Variants in FARP1 observed in about 807,000 individuals in gnomAD.
The protein encoded by FARP1 is FERM, ARH/RhoGEF and pleckstrin domain protein 1, also known as FERM, ARHGEF and pleckstrin domain-containing protein 1.
In FARP1, 52 loss-of-function variants were observed where a neutral mutation model predicts 128.8. The observed-to-expected ratio is 0.40, with a 90% CI of 0.32 to 0.51. FARP1 has a LOEUF of 0.51. Ranked by LOEUF, FARP1 falls within the 20% of genes least tolerant of loss-of-function variation. The probability of loss-of-function intolerance (pLI) is 0.45; values close to 1 mark genes in which losing one functional copy is unlikely to be tolerated. For synonymous variants in FARP1, 580 were observed against 551.8 expected, an observed-to-expected ratio of 1.05 and a Z score of -0.72; for missense variants, 1,333 against 1,367.9, an observed-to-expected ratio of 0.97 and a Z score of 0.40.
intron 1 of FARP1, among the ~76,000 whole-genome samples, chr13:98,169,846 T>C (rs1455648167): frequency 6.6e-6 from 1 of 152,096 alleles, no homozygotes; most frequent in South Asian, 2.1e-4. Context: ...CTGGAGACCA[T>C]TGTCCATCAG....
chr13:98,212,699 C>T (rs761531954), intron 1 of FARP1, among the ~76,000 whole-genome samples: 106 of 152,006 alleles, frequency 7.0e-4, no homozygotes, highest in Admixed American at 2.6e-3. Flanking sequence ...GAAAAATGAC[C>T]CTACTCTCTG....
chr13:98,286,837 G>A (rs912171422), intron 2 of FARP1, among the ~76,000 whole-genome samples: 9 of 152,150 alleles, frequency 5.9e-5, no homozygotes, highest in Non-Finnish European at 1.3e-4. Flanking sequence ...AGAACAATGA[G>A]GAAGAATAAT....
At chr13:98,207,052 C>A (rs1880316919) in intron 1 of FARP1, among the ~76,000 whole-genome samples, 1 of 152,208 alleles carries the variant, frequency 6.6e-6, no homozygotes, top group African/African-American at 2.4e-5. Flanking sequence ...CAAGCATCAA[C>A]TGTGGTTACC....
intron 1 of FARP1, among the ~76,000 whole-genome samples, chr13:98,200,633 G>A (rs1257837145): frequency 6.6e-6 from 1 of 152,120 alleles, no homozygotes; most frequent in African/African-American, 2.4e-5. Flanking sequence ...TAGCACTTAC[G>A]CAAGAAAAGT....
chr13:98,206,782 T>C (rs1880297825), intron 1 of FARP1, among the ~76,000 whole-genome samples: 1 of 152,224 alleles, frequency 6.6e-6, no homozygotes, highest in Non-Finnish European at 1.5e-5. Context: ...ATTTCTCAAA[T>C]AGAGCTAACT....
At chr13:98,434,513 A>C (rs963909574) in intron 18 of FARP1, 2 of 152,210 alleles carry the variant, frequency 1.3e-5, no homozygotes, top group Admixed American at 1.3e-4. Context: ...CTGAAGACTG[A>C]AGTTCAGTCA....
intron 2 of FARP1, among the ~76,000 whole-genome samples, chr13:98,318,842 G>T (rs1254196245): frequency 6.6e-6 from 1 of 151,814 alleles, no homozygotes; most frequent in Non-Finnish European, 1.5e-5. Flanking sequence ...GGTGGCGTTT[G>T]TATCTTTCTG....
intron 1 of FARP1, among the ~76,000 whole-genome samples, chr13:98,177,503 T>A (rs1224702431): frequency 1.3e-5 from 2 of 151,860 alleles, no homozygotes; most frequent in Non-Finnish European, 2.9e-5. Flanking sequence ...AAAAATTACC[T>A]GGGTGTGGTG....
chr13:98,223,412 G>A (rs955378921), intron 2 of FARP1, among the ~76,000 whole-genome samples: 3 of 152,208 alleles, frequency 2.0e-5, no homozygotes, highest in Non-Finnish European at 4.4e-5. Flanking sequence ...TGCAACCTCC[G>A]CCTCCGGGGT....
At chr13:98,180,016 G>C (rs567332671) in intron 1 of FARP1, among the ~76,000 whole-genome samples, 1 of 152,140 alleles carries the variant, frequency 6.6e-6, no homozygotes, top group Non-Finnish European at 1.5e-5. Context: ...TGCCGGGCTA[G>C]GGAAAGGGTA....
chr13:98,176,843 G>A lies in FARP1; in HGVS notation c.-24+33351G>A. The A allele has an allele frequency of 6.2e-7, 1 of 1,611,744 alleles. No individual in the cohort carries two copies. The highest frequency in any genetic ancestry group is 8.5e-7 in the Non-Finnish European group (1 of 1,179,976). On this transcript the variant is annotated intron_variant, in intron 1 of 26. Coordinates refer to ENST00000319562, the MANE Select transcript of FARP1 (RefSeq NM_005766.4). The surrounding 1 kb of genome is among the most constrained non-coding windows in gnomAD (Gnocchi z 6.2). ...CCCCGCAGTGCCTCCTGGACCCGCT[G>A]GCTGCACTTGAGGATGGTCGGCGTA...
Position 98,395,298 on chromosome 13 carries a change from A to G in FARP1, c.1236A>G (p.Gly412=), listed in dbSNP as rs1413393315. 6.2e-7 allele frequency: 1 copy of G among 1,609,664 alleles called. No homozygotes were observed. The highest frequency in any genetic ancestry group is 1.7e-5 in the Admixed American group (1 of 59,904). Residue 412 remains glycine (G), a synonymous_variant, in exon 13 of 27, where the codon GGA becomes GGG. Transcript: ENST00000319562. The stretch of plus-strand genomic sequence containing the variant: ...CAGGGGGCCAGAGCTGCCGGCGAGG[A>G]AAGGAACCGAAGGTTTCCGCCGGGG... ...ESPGGQSCRR[G]KEPKVSAGEP...
chr13:98,420,682 C>G (rs1209212383), intron 16 of FARP1, among the ~76,000 whole-genome samples: 2 of 152,180 alleles, frequency 1.3e-5, no homozygotes, highest in Non-Finnish European at 2.9e-5. Flanking sequence ...ATCTTGGTTG[C>G]TGTGTGGTAA....
intron 3 of FARP1, among the ~76,000 whole-genome samples, chr13:98,354,619 T>C (rs1022802438): frequency 2.0e-5 from 3 of 152,238 alleles, no homozygotes; most frequent in African/African-American, 7.2e-5. Context: ...AAACTAAATA[T>C]ACACTAATTT....
chr13:98,277,109 T>TACACACACACAC (rs368911842), intron 2 of FARP1, among the ~76,000 whole-genome samples: 9,492 of 118,036 alleles, frequency 0.08, 503 homozygotes, highest in East Asian at 0.1. Flanking sequence ...TCTAGAAAAA[T>TACACACACACAC]ACACACACAC....
chr13:98,348,942 C>T (rs1888291885), intron 3 of FARP1, among the ~76,000 whole-genome samples: 1 of 152,166 alleles, frequency 6.6e-6, no homozygotes, highest in Non-Finnish European at 1.5e-5. Context: ...AATGTGTAAC[C>T]AGGATCCACA....
intron 2 of FARP1, among the ~76,000 whole-genome samples, chr13:98,311,152 G>T (rs1594386509): frequency 6.6e-6 from 1 of 152,222 alleles, no homozygotes; most frequent in East Asian, 1.9e-4. Flanking sequence ...AACTTTCACT[G>T]TGGCCCTGGT....
chr13:98,308,781 G>A (rs2390040), intron 2 of FARP1, among the ~76,000 whole-genome samples: 138,898 of 152,166 alleles, frequency 0.91, 63,517 homozygotes, highest in East Asian at 1. Flanking sequence ...TGATCCTCCC[G>A]CTGCAGCCTC....
intron 2 of FARP1, among the ~76,000 whole-genome samples, chr13:98,242,324 A>G (rs950291503): frequency 1.3e-5 from 2 of 152,208 alleles, no homozygotes; most frequent in African/African-American, 4.8e-5. Flanking sequence ...CTCAACATTC[A>G]TTAGCTAAAT....
Sources: gnomAD v4.1 joint callset for allele counts (sites outside exome capture counted in the v4.1 genomes callset) on GRCh38, gnomAD v4.1.1 for gene constraint, Gnocchi (gnomAD v3.1) non-coding constraint, MANE v1.5 for transcripts, NCBI Gene and HGNC (gene_info 2026-07-23, HGNC 2026-07-21) for gene names.